The following NMNAT3 variants were observed in gnomAD, a reference collection of about 807,000 sequenced individuals.
NMNAT3 encodes nicotinamide nucleotide adenylyltransferase 3, also known as nicotinamide/nicotinic acid mononucleotide adenylyltransferase 3.
A neutral mutation model predicts 24.8 loss-of-function variants in NMNAT3; 21 were observed. The ratio of observed to expected loss-of-function variants is 0.85; its 90% CI spans 0.60 to 1.22. The LOEUF is 1.22. NMNAT3 is among the 50% of genes most tolerant of loss of function. The pLI is 0.00. For synonymous variants in NMNAT3, 136 were observed against 155.2 expected, an observed-to-expected ratio of 0.88 and a Z score of 0.92; for missense variants, 387 against 436.6, an observed-to-expected ratio of 0.89 and a Z score of 1.01.
At chr3:139,563,454 T>C (rs1169624796) in intron 6 of NMNAT3, among the ~76,000 whole-genome samples, 3 of 152,218 alleles carry the variant, frequency 2.0e-5, no homozygotes, top group African/African-American at 7.2e-5. Context: ...TACCACCTCC[T>C]TTTTCCAATA....
intron 1 of NMNAT3, among the ~76,000 whole-genome samples, chr3:139,660,972 C>T (rs1287044082): frequency 6.6e-6 from 1 of 152,092 alleles, no homozygotes; most frequent in African/African-American, 2.4e-5. Context: ...GTAGTATGTA[C>T]CATGAGATAT....
intron 1 of NMNAT3, among the ~76,000 whole-genome samples, chr3:139,655,896 T>C (rs1422813856): frequency 1.3e-5 from 2 of 152,186 alleles, no homozygotes; most frequent in Non-Finnish European, 2.9e-5. Context: ...CAAGAGTAGC[T>C]CCTTGAAAAC....
intron 1 of NMNAT3, among the ~76,000 whole-genome samples, chr3:139,669,670 C>A (rs745986555): frequency 6.6e-6 from 1 of 151,954 alleles, no homozygotes; most frequent in African/African-American, 2.4e-5. Flanking sequence ...TATCATAGCA[C>A]CTAAAGCCAT....
At chr3:139,598,351 T>G (rs984112279) in intron 3 of NMNAT3, among the ~76,000 whole-genome samples, 1 of 152,198 alleles carries the variant, frequency 6.6e-6, no homozygotes, top group African/African-American at 2.4e-5. Flanking sequence ...CTTTGTGACT[T>G]CTGAGGTTAG....
intron 1 of NMNAT3, among the ~76,000 whole-genome samples, chr3:139,665,599 A>C (rs148696224): frequency 3.2e-4 from 49 of 152,276 alleles, no homozygotes; most frequent in African/African-American, 1.2e-3. Flanking sequence ...GAAAGATGGC[A>C]TATGTTATTC....
At chr3:139,581,230 T>C (rs1389937101) in intron 4 of NMNAT3, among the ~76,000 whole-genome samples, 1 of 152,190 alleles carries the variant, frequency 6.6e-6, no homozygotes, top group Non-Finnish European at 1.5e-5. Flanking sequence ...GTTTAAATGC[T>C]ATATGGGGGG....
intron 2 of NMNAT3, among the ~76,000 whole-genome samples, chr3:139,628,090 C>T (rs1413848263): frequency 6.6e-6 from 1 of 152,182 alleles, no homozygotes; most frequent in Non-Finnish European, 1.5e-5. Flanking sequence ...TCTATATCCT[C>T]CTTGAGCTCT....
Position 139,624,609 on chromosome 3 carries a change from T to G in NMNAT3, c.109+3007A>C, listed in dbSNP as rs1225220774. ...GATTACAGGTGTGTGCCACCACACC[T>G]GGCTGATTTTTGTATTCTTAGTAGA... On this transcript the variant is annotated intron_variant, in intron 3 of 6. Coordinates refer to ENST00000643695, the MANE Select transcript of NMNAT3 (RefSeq NM_001320510.2). Among the ~76,000 whole-genome samples, 3 of 152,070 alleles carry G rather than the reference T, an allele frequency of 2.0e-5. No homozygotes were observed. The East Asian group carries it at 5.8e-4, about 29-fold the overall frequency.
chr3:139,637,135 G>A (rs2056530651), intron 2 of NMNAT3: 2 of 152,226 alleles, frequency 1.3e-5, no homozygotes, highest in South Asian at 4.1e-4. Context: ...TTAAGTGTAT[G>A]AGTCAGGAGA....
At position 139,561,205 on chromosome 3, in the gene NMNAT3, G is replaced by A; in HGVS notation, c.846C>T (p.Asn282=). 1 of 1,614,188 alleles carries A rather than the reference G, an allele frequency of 6.2e-7. No homozygotes were observed. Among genetic ancestry groups the A allele is most frequent in the Non-Finnish European group, 8.5e-7 (1 of 1,180,034 alleles). The change falls in exon 7 of 7, where the codon AAC becomes AAT. Residue 282 remains asparagine (N), a synonymous_variant. Coordinates refer to ENST00000643695, the MANE Select transcript of NMNAT3 (RefSeq NM_001320510.2). The stretch of plus-strand genomic sequence containing the variant: ...GCACAGGCTCCTTGGCCAGGTGAAT[G>A]TTGTGCTGGTGCATCCGTAGGATGG...
At chr3:139,649,968 C>T (rs550182217) in intron 1 of NMNAT3, among the ~76,000 whole-genome samples, 4 of 152,262 alleles carry the variant, frequency 2.6e-5, no homozygotes, top group African/African-American at 9.6e-5. Context: ...TGTCTCAAGA[C>T]CCCAAAGCAA....
intron 6 of NMNAT3, chr3:139,566,100 C>T (rs1218030214): frequency 2.0e-5 from 3 of 152,068 alleles, no homozygotes; most frequent in African/African-American, 2.4e-5. Flanking sequence ...ATTTGCATTT[C>T]TCTGATGGCC....
intron 1 of NMNAT3, among the ~76,000 whole-genome samples, chr3:139,671,353 T>C (rs902829715): frequency 6.6e-6 from 1 of 152,230 alleles, no homozygotes; most frequent in African/African-American, 2.4e-5. Flanking sequence ...CGTTCTGTAA[T>C]TTGTTCTCCT....
At chr3:139,677,442 C>T (rs2057968316) in intron 1 of NMNAT3, among the ~76,000 whole-genome samples, 1 of 152,206 alleles carries the variant, frequency 6.6e-6, no homozygotes, top group South Asian at 2.1e-4. Context: ...GGATCCGAAC[C>T]CACGTCTCCG....
At chr3:139,578,195 C>CA (rs925235947) in intron 5 of NMNAT3, among the ~76,000 whole-genome samples, 1 of 152,218 alleles carries the variant, frequency 6.6e-6, no homozygotes, top group Non-Finnish European at 1.5e-5. Flanking sequence ...GCTAGTGACC[C>CA]ACTGCCCTAA....
intron 3 of NMNAT3, among the ~76,000 whole-genome samples, chr3:139,603,536 C>T (rs965417198): frequency 2.6e-5 from 4 of 152,182 alleles, no homozygotes; most frequent in African/African-American, 9.7e-5. Flanking sequence ...GTGCCACCAT[C>T]ATCAAATCAT....
At chr3:139,569,872 G>C (rs1341163813) in intron 6 of NMNAT3, 1 of 152,148 alleles carries the variant, frequency 6.6e-6, no homozygotes, top group Non-Finnish European at 1.5e-5. Context: ...TGTATTTCCT[G>C]AATTTGAATG....
At chr3:139,653,681 G>A (rs7645081) in intron 1 of NMNAT3, among the ~76,000 whole-genome samples, 5,794 of 152,212 alleles carry the variant, frequency 0.038, 357 homozygotes, top group African/African-American at 0.13. Context: ...CCAGGTTTAC[G>A]AAATTCTGGC....
At chr3:139,643,910 G>A (rs2056788689) in intron 1 of NMNAT3, among the ~76,000 whole-genome samples, 1 of 152,206 alleles carries the variant, frequency 6.6e-6, no homozygotes, top group South Asian at 2.1e-4. Flanking sequence ...AGGTCTCCTT[G>A]TTAAGCCTTC....
Sources: allele counts gnomAD v4.1 joint callset (sites outside exome capture counted in the v4.1 genomes callset), GRCh38; gene constraint gnomAD v4.1.1; transcripts MANE v1.5; gene names NCBI Gene and HGNC (gene_info 2026-07-23, HGNC 2026-07-21).